Variants in DCBLD2 observed in about 807,000 individuals in gnomAD.
DCBLD2 encodes discoidin, CUB and LCCL domain containing 2.
DCBLD2 carries 54 observed loss-of-function variants against 86.8 expected under a neutral mutation model. That is an observed-to-expected ratio of 0.62 (90% CI 0.50 to 0.78). The LOEUF is 0.78. Ranked by LOEUF, DCBLD2 falls within the 30% of genes least tolerant of loss-of-function variation. The probability of loss-of-function intolerance (pLI) is 0.00; values close to 1 mark genes in which losing one functional copy is unlikely to be tolerated. For missense variants in DCBLD2, 908 were observed against 954.2 expected, an observed-to-expected ratio of 0.95 and a Z score of 0.64; for synonymous variants, 354 against 341.3, an observed-to-expected ratio of 1.04 and a Z score of -0.41.
chr3:98,831,818 T>C (rs771925802), intron 3 of DCBLD2, among the ~76,000 whole-genome samples: 3 of 152,198 alleles, frequency 2.0e-5, no homozygotes, highest in Non-Finnish European at 2.9e-5. Flanking sequence ...GTGTCTGGTA[T>C]GGTTTTGGTT....
At chr3:98,891,002 C>T in intron 1 of DCBLD2, among the ~76,000 whole-genome samples, 1 of 152,056 alleles carries the variant, frequency 6.6e-6, no homozygotes, top group East Asian at 1.9e-4. Context: ...CAGCAGTGTG[C>T]TACTAGGTAT....
chr3:98,820,224 T>G (rs930703381), intron 7 of DCBLD2, 24 bp downstream of exon 7: 8 of 1,392,172 alleles, frequency 5.7e-6, no homozygotes, highest in Non-Finnish European at 6.6e-6. Flanking sequence ...AAATAAAAAA[T>G]TATAAAGTCC....
chr3:98,868,497 T>C (rs1037538604), intron 2 of DCBLD2, among the ~76,000 whole-genome samples: 2 of 152,148 alleles, frequency 1.3e-5, no homozygotes, highest in Non-Finnish European at 2.9e-5. Context: ...GGGGTACAAG[T>C]AGTTTTTGTT....
At chr3:98,866,208 C>T (rs1166224361) in intron 2 of DCBLD2, among the ~76,000 whole-genome samples, 2 of 152,110 alleles carry the variant, frequency 1.3e-5, no homozygotes, top group African/African-American at 4.8e-5. Flanking sequence ...GATTTATAAT[C>T]CTTTGGGTAT....
rs7650646 is a variant in DCBLD2 at position 98,797,053 on chromosome 3, A to T, written c.*2319T>A. On this transcript the variant is annotated 3_prime_UTR_variant, in exon 16 of 16. Coordinates refer to ENST00000326840, the MANE Select transcript of DCBLD2 (RefSeq NM_080927.4). Reference sequence around the variant, plus strand: ...AAATGTAGTAAAAAAAAAAAAAAAAAAAATAGAAAACCTCTACTATAAAAA... The same window carrying T: ...AAATGTAGTAAAAAAAAAAAAAAAATAAATAGAAAACCTCTACTATAAAAA... 1.4e-5 allele frequency: 2 copies of T among 145,570 alleles called. No individual in the cohort carries two copies. Among genetic ancestry groups the T allele is most frequent in the African/African-American group, 5.1e-5 (2 of 39,252 alleles). 9.0% of individuals were successfully genotyped at this position (145,570 alleles called of 1,614,324 possible).
At position 98,796,032 on chromosome 3, in the gene DCBLD2, A is replaced by C. The variant is rs1416046386; in HGVS notation, c.*3340T>G. The stretch of plus-strand genomic sequence containing the variant: ...TTATTTAAACCAAATAATCTGAGCA[A>C]GACATATATACATTAAAAACAAATG... On this transcript the variant is annotated 3_prime_UTR_variant, in exon 16 of 16. Coordinates refer to ENST00000326840, the MANE Select transcript of DCBLD2 (RefSeq NM_080927.4). 6.6e-6 allele frequency: 1 copy of C among 152,654 alleles called. No homozygotes were observed. Among genetic ancestry groups the C allele is most frequent in the Non-Finnish European group, 1.5e-5 (1 of 68,036 alleles). 9.5% of individuals were successfully genotyped at this position (152,654 alleles called of 1,614,324 possible).
At chr3:98,813,478 C>T (rs1391330747) in intron 9 of DCBLD2, 1 of 152,152 alleles carries the variant, frequency 6.6e-6, no homozygotes, top group African/African-American at 2.4e-5. Flanking sequence ...AAGGGATCCA[C>T]CTGCCTCAGC....
chr3:98,836,910 C>T (rs1942472098), intron 3 of DCBLD2, among the ~76,000 whole-genome samples: 1 of 76,824 alleles, frequency 1.3e-5, no homozygotes, highest in South Asian at 4.9e-4. Context: ...GGCGGCTGGC[C>T]GGGCGGGGGG....
At chr3:98,857,955 T>TCCCGCGCCGTGCG (rs1942966987) in intron 2 of DCBLD2, among the ~76,000 whole-genome samples, 1 of 152,240 alleles carries the variant, frequency 6.6e-6, no homozygotes, top group African/African-American at 2.4e-5. Context: ...TGCCTGCCAG[T>TCCCGCGCCGTGCG]CCCGCGCCGT....
chr3:98,853,014 T>C (rs1460677919), intron 2 of DCBLD2, among the ~76,000 whole-genome samples: 1 of 152,102 alleles, frequency 6.6e-6, no homozygotes, highest in East Asian at 1.9e-4. Context: ...CCATGGGAAG[T>C]GAGATGATAA....
intron 13 of DCBLD2, among the ~76,000 whole-genome samples, chr3:98,803,223 T>C (rs1404972232): frequency 6.6e-6 from 1 of 152,348 alleles, no homozygotes; most frequent in South Asian, 2.1e-4. Flanking sequence ...TTTTATTTCA[T>C]TGAGCAGTGG....
intron 2 of DCBLD2, among the ~76,000 whole-genome samples, chr3:98,852,782 A>C (rs1391590662): frequency 6.6e-6 from 1 of 152,206 alleles, no homozygotes. Context: ...ATTGCAAGTC[A>C]CCTCTAGAAA....
intron 2 of DCBLD2, among the ~76,000 whole-genome samples, chr3:98,864,564 T>C (rs1367186440): frequency 6.6e-6 from 1 of 152,148 alleles, no homozygotes; most frequent in Non-Finnish European, 1.5e-5. Context: ...GGGACATGGA[T>C]GAAGCTGGAA....
At chr3:98,815,424 T>C (rs1942003867) in intron 9 of DCBLD2, 1 of 152,154 alleles carries the variant, frequency 6.6e-6, no homozygotes, top group Non-Finnish European at 1.5e-5. Flanking sequence ...AAATATCACA[T>C]TGTTTCCAGT....
chr3:98,843,390 T>C (rs989775025), intron 3 of DCBLD2, among the ~76,000 whole-genome samples: 6 of 152,122 alleles, frequency 3.9e-5, no homozygotes, highest in African/African-American at 2.4e-5. Context: ...ACCTAGCCAA[T>C]TGTAGTACTG....
chr3:98,870,737 A>AGAAAG lies in DCBLD2; in HGVS notation c.433+10802_433+10803insCTTTC, dbSNP rs775209838. ...AAGAAAAAGGAAAAGAAAAGAAAGA[A>AGAAAG]AAAGAAAGAAAGAAAGAAAGAAAGA... On this transcript the variant is annotated intron_variant, in intron 2 of 15. Transcript: ENST00000326840. 7.2e-5 allele frequency among the ~76,000 whole-genome samples: 5 copies of AGAAAG among 69,824 alleles called. No homozygotes were observed. The South Asian group carries it at 2.5e-3, about 35-fold the overall frequency. The allele number at this position is 69,824 out of a possible 152,430, so 45.8% of individuals were successfully genotyped here.
intron 1 of DCBLD2, among the ~76,000 whole-genome samples, chr3:98,884,336 C>T (rs750670377): frequency 1.3e-5 from 2 of 151,476 alleles, no homozygotes; most frequent in Admixed American, 6.6e-5. Context: ...ATGTAATAAA[C>T]GTGGATTTCT....
rs1176123206 is a variant in DCBLD2 at position 98,807,180 on chromosome 3, G to A, written c.1670+901C>T. Among the ~76,000 whole-genome samples, 5 of 152,106 alleles carry A rather than the reference G, an allele frequency of 3.3e-5. No homozygotes were observed. The East Asian group carries it at 9.6e-4, about 29-fold the overall frequency. ...TTCTCAGGACTCTCCCACGCCAAGCGTACATGCGATGACTCACTATTTTGC... is the reference window on the plus strand; with the variant it reads ...TTCTCAGGACTCTCCCACGCCAAGCATACATGCGATGACTCACTATTTTGC... On this transcript the variant is annotated intron_variant, in intron 13 of 15. Coordinates refer to ENST00000326840, the MANE Select transcript of DCBLD2 (RefSeq NM_080927.4).
At chr3:98,873,750 G>A (rs1943319231) in intron 2 of DCBLD2, among the ~76,000 whole-genome samples, 1 of 151,898 alleles carries the variant, frequency 6.6e-6, no homozygotes, top group African/African-American at 2.4e-5. Context: ...TGAAAATAGA[G>A]ATTAATAATG....
Sources: allele counts gnomAD v4.1 joint callset (sites outside exome capture counted in the v4.1 genomes callset), GRCh38; gene constraint gnomAD v4.1.1; transcripts MANE v1.5; gene names NCBI Gene and HGNC (gene_info 2026-07-23, HGNC 2026-07-21).